Variants in KPNA3 observed in about 807,000 individuals in gnomAD.
The protein encoded by KPNA3 is karyopherin subunit alpha 3, also known as importin subunit alpha-4.
A neutral mutation model predicts 73.8 loss-of-function variants in KPNA3; 13 were observed. The observed-to-expected ratio is 0.18, with a 90% CI of 0.11 to 0.28. The LOEUF is 0.28. Among genes scored for constraint, KPNA3 ranks in the 10% least tolerant of loss-of-function variants. The probability of loss-of-function intolerance (pLI) is 1.00; values close to 1 mark genes in which losing one functional copy is unlikely to be tolerated. For synonymous variants in KPNA3, 186 were observed against 206.9 expected (o/e 0.90, Z 0.87); for missense variants, 360 against 618.1 (o/e 0.58, Z 4.43).
chr13:49,741,783 T>G (rs1191338364), intron 2 of KPNA3, among the ~76,000 whole-genome samples: 1 of 152,230 alleles, frequency 6.6e-6, no homozygotes. Context: ...TTAGTTTTCT[T>G]GCTATTGAGT....
chr13:49,708,931 T>C (rs1331434363), intron 12 of KPNA3, among the ~76,000 whole-genome samples: 1 of 152,232 alleles, frequency 6.6e-6, no homozygotes, highest in East Asian at 1.9e-4. Context: ...AAAATTTTTA[T>C]GATCGGTTTG....
At chr13:49,728,583 C>G (rs1444798889) in intron 6 of KPNA3, among the ~76,000 whole-genome samples, 1 of 152,178 alleles carries the variant, frequency 6.6e-6, no homozygotes, top group African/African-American at 2.4e-5. Context: ...TGAAACATGG[C>G]TTTCCCAGTA....
At chr13:49,728,452 G>C (rs1954431692) in intron 6 of KPNA3, among the ~76,000 whole-genome samples, 1 of 152,126 alleles carries the variant, frequency 6.6e-6, no homozygotes, top group Admixed American at 6.5e-5. Context: ...CTTTCCCCTT[G>C]ATAGGTGTCA....
chr13:49,776,455 T>C (rs1954898889), intron 1 of KPNA3, among the ~76,000 whole-genome samples: 1 of 152,232 alleles, frequency 6.6e-6, no homozygotes, highest in Non-Finnish European at 1.5e-5. Flanking sequence ...CATTTTATCA[T>C]TAAATAGTAT....
At position 49,725,510 on chromosome 13, in the gene KPNA3, AAAC is replaced by A; in HGVS notation, c.384-12_384-10del. 1 of 1,553,030 alleles carries A rather than the reference AAAC, an allele frequency of 6.4e-7. No individual in the cohort carries two copies. The highest frequency in any genetic ancestry group is 8.8e-7 in the Non-Finnish European group (1 of 1,130,914). Reference sequence around the variant, plus strand: ...CAAACTGTAATGAAGGACTGTAAAAAAACAATAACACATCTTTTTAGACACATA... The same window carrying A: ...CAAACTGTAATGAAGGACTGTAAAAAAATAACACATCTTTTTAGACACATA... On this transcript the variant is annotated splice_polypyrimidine_tract_variant and intron_variant, in intron 6 of 16. Transcript: ENST00000261667.
chr13:49,729,541 T>C (rs1416352717), intron 6 of KPNA3, among the ~76,000 whole-genome samples: 1 of 152,160 alleles, frequency 6.6e-6, no homozygotes, highest in Non-Finnish European at 1.5e-5. Context: ...TCCCAGCACT[T>C]TGAGAGGCCG....
At position 49,761,784 on chromosome 13, in the gene KPNA3, A is replaced by G. The variant is rs561176582; in HGVS notation, c.70-14791T>C. On this transcript the variant is annotated intron_variant, in intron 1 of 16. Coordinates refer to ENST00000261667, the MANE Select transcript of KPNA3 (RefSeq NM_002267.4). ...CCTCTTCCCGGCTGCCATCCCGTCTAGGAAGCGAGGAGCATCTCTGCCCGG... is the reference window on the plus strand; with the variant it reads ...CCTCTTCCCGGCTGCCATCCCGTCTGGGAAGCGAGGAGCATCTCTGCCCGG... 1.1e-3 allele frequency among the ~76,000 whole-genome samples: 163 copies of G among 143,614 alleles called. 2 individuals carry two copies. The highest frequency in any genetic ancestry group is 1.9e-3 in the Admixed American group (27 of 14,458). The allele number at this position is 143,614 out of a possible 152,430, so 94.2% of individuals were successfully genotyped here.
At chr13:49,761,776 T>A (rs868137255) in intron 1 of KPNA3, among the ~76,000 whole-genome samples, 5 of 137,060 alleles carry the variant, frequency 3.6e-5, no homozygotes, top group Middle Eastern at 4.6e-3. Flanking sequence ...CCGGCTGCCA[T>A]CCCGTCTAGG....
At chr13:49,730,519 C>CAAAAAAAAAAAAAAAAAAAAA (rs55725741) in intron 6 of KPNA3, among the ~76,000 whole-genome samples, 9 of 27,294 alleles carry the variant, frequency 3.3e-4, no homozygotes, top group Admixed American at 6.9e-4. Context: ...GACTCTGTCT[C>CAAAAAAAAAAAAAAAAAAAAA]AAAAAAAAAA....
chr13:49,754,531 A>C (rs1179076456), intron 1 of KPNA3, among the ~76,000 whole-genome samples: 1 of 151,940 alleles, frequency 6.6e-6, no homozygotes, highest in African/African-American at 2.4e-5. Flanking sequence ...TAAAAAGCAA[A>C]ACAAACCCAA....
At chr13:49,743,920 T>TAAAGATGCA (rs1314708993) in intron 2 of KPNA3, among the ~76,000 whole-genome samples, 1 of 152,192 alleles carries the variant, frequency 6.6e-6, no homozygotes, top group East Asian at 1.9e-4. Flanking sequence ...TAATTCCAAT[T>TAAAGATGCA]TTACTTCTAT....
chr13:49,770,989 C>G lies in KPNA3; in HGVS notation c.69+21449G>C, dbSNP rs548063326. Among the ~76,000 whole-genome samples the G allele has an allele frequency of 2.0e-5, 3 of 151,786 alleles. No individual in the cohort carries two copies. In the South Asian group the frequency reaches 6.2e-4, roughly 32 times the overall value. On this transcript the variant is annotated intron_variant, in intron 1 of 16. Coordinates refer to ENST00000261667, the MANE Select transcript of KPNA3 (RefSeq NM_002267.4). ...CTTAATTACTATAGGTTTGCTTGTT[C>G]TGTAAATTCTGAAATTGCTAAATAT...
intron 6 of KPNA3, among the ~76,000 whole-genome samples, chr13:49,730,898 T>C (rs1343497352): frequency 1.3e-5 from 2 of 150,970 alleles, no homozygotes; most frequent in Admixed American, 6.6e-5. Context: ...TGCCTCAGCC[T>C]CCCAAGTAGC....
intron 10 of KPNA3, among the ~76,000 whole-genome samples, chr13:49,711,805 AAAT>A (rs1207106058): frequency 6.6e-6 from 1 of 152,198 alleles, no homozygotes; most frequent in East Asian, 1.9e-4. Flanking sequence ...TTTTGCCCTA[AAAT>A]AATAGCAGGC....
intron 1 of KPNA3, among the ~76,000 whole-genome samples, chr13:49,771,344 C>T (rs1336183759): frequency 1.3e-5 from 2 of 152,168 alleles, no homozygotes; most frequent in Admixed American, 6.5e-5. Flanking sequence ...TTTCAGCATA[C>T]AAGTCTTAAA....
chr13:49,721,776 C>T (rs915360332), intron 9 of KPNA3, among the ~76,000 whole-genome samples, 179 bp downstream of exon 9: 3 of 151,692 alleles, frequency 2.0e-5, no homozygotes, highest in Non-Finnish European at 4.4e-5. Flanking sequence ...GCCAAGATCG[C>T]GCCACTGCAC....
chr13:49,724,636 C>T (rs968738287), intron 7 of KPNA3, among the ~76,000 whole-genome samples: 5 of 151,310 alleles, frequency 3.3e-5, no homozygotes, highest in African/African-American at 7.3e-5. Context: ...CTCACTCTGT[C>T]GCCGGGGCTG....
At chr13:49,755,443 G>C (rs1034117668) in intron 1 of KPNA3, among the ~76,000 whole-genome samples, 7 of 152,178 alleles carry the variant, frequency 4.6e-5, no homozygotes, top group Admixed American at 1.3e-4. Flanking sequence ...AGTATAAGAA[G>C]TTCCAGCCAG....
chr13:49,748,135 T>C (rs905518413), intron 1 of KPNA3, among the ~76,000 whole-genome samples: 1 of 152,218 alleles, frequency 6.6e-6, no homozygotes, highest in African/African-American at 2.4e-5. Context: ...TGAACTACCT[T>C]ACATTCTTCC....
Sources: allele counts gnomAD v4.1 joint callset (sites outside exome capture counted in the v4.1 genomes callset), GRCh38; gene constraint gnomAD v4.1.1; transcripts MANE v1.5; gene names NCBI Gene and HGNC (gene_info 2026-07-23, HGNC 2026-07-21).